LRP4: variants seen among roughly 807,000 people sequenced by gnomAD.
LRP4 encodes low-density lipoprotein receptor-related protein 4.
Under a neutral mutation model 220.3 loss-of-function variants are expected in LRP4, and 95 were observed. The ratio of observed to expected loss-of-function variants is 0.43; its 90% CI spans 0.37 to 0.51. The LOEUF is 0.51. LRP4 is among the 20% of genes least tolerant of loss of function. The pLI is 0.00. For missense variants in LRP4, 1,925 were observed against 2,567.0 expected, an observed-to-expected ratio of 0.75 and a Z score of 5.40; for synonymous variants, 903 against 954.6, an observed-to-expected ratio of 0.95 and a Z score of 1.00.
intron 6 of LRP4, 78 bp downstream of exon 6, chr11:46,898,826 G>A: frequency 6.2e-7 from 1 of 1,607,812 alleles, no homozygotes. Context: ...TCCTGCCCCA[G>A]CTGGCGACTG....
At chr11:46,911,149 G>A (rs1409423233) in intron 1 of LRP4, among the ~76,000 whole-genome samples, 4 of 152,092 alleles carry the variant, frequency 2.6e-5, no homozygotes, top group Non-Finnish European at 4.4e-5. Flanking sequence ...GAAATAATAC[G>A]TATGAGGTTC....
chr11:46,908,264 G>T (rs987868554), intron 1 of LRP4, among the ~76,000 whole-genome samples: 1 of 152,102 alleles, frequency 6.6e-6, no homozygotes, highest in Non-Finnish European at 1.5e-5. Context: ...GGTGCCCTCC[G>T]AGTACTTTTC....
chr11:46,874,048 T>C, intron 28 of LRP4: 6 of 174,410 alleles, frequency 3.4e-5, no homozygotes, highest in Non-Finnish European at 6.2e-5. Flanking sequence ...TCAAGCAATC[T>C]TCCCGCCTTG....
rs1398274341 is a variant in LRP4, at chr11:46,857,261, C to T, written c.*1722G>A. 1 of 152,290 alleles carries T rather than the reference C, an allele frequency of 6.6e-6. No homozygotes were observed. Among genetic ancestry groups the T allele is most frequent in the African/African-American group, 2.4e-5 (1 of 41,452 alleles). The allele number at this position is 152,290 out of a possible 1,614,324, so 9.4% of individuals were successfully genotyped here. A position where few individuals can be genotyped will look rare whatever the true frequency, so the allele number is the denominator to read the frequency against. On this transcript the variant is annotated 3_prime_UTR_variant, in exon 38 of 38. Coordinates refer to ENST00000378623, the MANE Select transcript of LRP4 (RefSeq NM_002334.4). ...AGGCTCAGAACTGGGGCTGACGCTA[C>T]TGAGAGCAAGGCTAAGGGCCTGGTA...
chr11:46,871,453 G>C lies in LRP4; in HGVS notation c.4692+72C>G, dbSNP rs951557122. 5.8e-6 allele frequency: 6 copies of C among 1,027,306 alleles called. No individual in the cohort carries two copies. In the African/African-American group the frequency reaches 9.3e-5, roughly 16 times the overall value. 63.6% of individuals were successfully genotyped at this position (1,027,306 alleles called of 1,614,324 possible). A position where few individuals can be genotyped will look rare whatever the true frequency, so the allele number is the denominator to read the frequency against. The stretch of plus-strand genomic sequence containing the variant: ...TCTGTTCAGTAGCAGCTATAGCTGA[G>C]ACTGCTGACTTAGAACCCCAAAGAA... On this transcript the variant is annotated intron_variant, in intron 31 of 37. Transcript: ENST00000378623.
chr11:46,878,563 C>T (rs951526900), intron 22 of LRP4, among the ~76,000 whole-genome samples: 5 of 152,036 alleles, frequency 3.3e-5, no homozygotes, highest in African/African-American at 4.8e-5. Flanking sequence ...CATGAGCCAC[C>T]GTGCCCAGCC....
In LRP4 at chr11:46,876,777, C is replaced by T. The variant is rs770071302; in HGVS notation, c.3331G>A (p.Asp1111Asn). 6 of 1,614,028 alleles carry T rather than the reference C, an allele frequency of 3.7e-6. No homozygotes were observed. Among genetic ancestry groups the T allele is most frequent in the Non-Finnish European group, 5.1e-6 (6 of 1,180,048 alleles). Reference sequence around the variant, plus strand: ...ATGATGTCCTCATGCTGTGAGCCATCCAGATTGGCACGACTGATCCTGTGC... The same window carrying T: ...ATGATGTCCTCATGCTGTGAGCCATTCAGATTGGCACGACTGATCCTGTGC... ...TLHRISRANL[D>N]GSQHEDIITT... is the part of the protein sequence containing the mutation. Residue 1111 changes from aspartate (D) to asparagine (N), a missense_variant, in exon 24 of 38, where the codon GAT becomes AAT. Physicochemically the swap from Asp to Asn is conservative, Grantham distance 23. Transcript: ENST00000378623.
intron 1 of LRP4, among the ~76,000 whole-genome samples, chr11:46,910,969 C>T (rs1267568499): frequency 6.6e-6 from 1 of 152,172 alleles, no homozygotes; most frequent in Admixed American, 6.5e-5. Flanking sequence ...AGCCACCACA[C>T]CCAGCAAATC....
chr11:46,913,210 C>T (rs528290502), intron 1 of LRP4, among the ~76,000 whole-genome samples: 2 of 152,294 alleles, frequency 1.3e-5, no homozygotes, highest in South Asian at 2.1e-4. Flanking sequence ...ATGAAGTCTG[C>T]TTGGATGGGC....
chr11:46,888,052 G>C (rs557229621), intron 16 of LRP4, among the ~76,000 whole-genome samples: 1 of 144,294 alleles, frequency 6.9e-6, no homozygotes, highest in African/African-American at 2.7e-5. Context: ...GGCCGGGGGC[G>C]GTGGCTTATG....
At position 46,875,394 on chromosome 11, in the gene LRP4, T is replaced by C; in HGVS notation, c.3925+62A>G. The C allele has an allele frequency of 1.4e-6, 2 of 1,389,284 alleles. No individual in the cohort carries two copies. Among genetic ancestry groups the C allele is most frequent in the South Asian group, 2.3e-5 (2 of 85,628 alleles). The allele number at this position is 1,389,284 out of a possible 1,614,324, so 86.1% of individuals were successfully genotyped here. The stretch of plus-strand genomic sequence containing the variant: ...CTCTGTGCTCTGGATATATCTCTGA[T>C]GTTGAGATGGCCCCAGAAAGCCAGA... On this transcript the variant is annotated intron_variant, in intron 27 of 37. Coordinates refer to ENST00000378623, the MANE Select transcript of LRP4 (RefSeq NM_002334.4). This position sits in a 1 kb window ranked among gnomAD's most constrained non-coding sequence, Gnocchi z 4.5.
chr11:46,889,816 G>T, intron 15 of LRP4, 128 bp downstream of exon 15: 1 of 1,081,290 alleles, frequency 9.2e-7, no homozygotes, highest in Non-Finnish European at 1.4e-6. Context: ...ATTAGCCCAT[G>T]TCAGTGCCCT....
intron 16 of LRP4, among the ~76,000 whole-genome samples, chr11:46,889,023 C>T (rs1014988122): frequency 6.6e-6 from 1 of 152,164 alleles, no homozygotes; most frequent in Non-Finnish European, 1.5e-5. Flanking sequence ...ATTTTGGCTT[C>T]CTGGTTTAAG....
intron 22 of LRP4, among the ~76,000 whole-genome samples, chr11:46,877,665 C>T (rs1431372393): frequency 6.6e-6 from 1 of 151,830 alleles, no homozygotes; most frequent in Admixed American, 6.6e-5. Context: ...GATGGGGTTT[C>T]GTCATATTGC....
At chr11:46,897,952 G>A (rs1197416845) in intron 7 of LRP4, among the ~76,000 whole-genome samples, 21 of 151,976 alleles carry the variant, frequency 1.4e-4, no homozygotes, top group African/African-American at 1.4e-4. Context: ...AGGGGCGGCC[G>A]GGCAGAGGCG....
intron 37 of LRP4, among the ~76,000 whole-genome samples, chr11:46,861,355 A>G (rs905098892): frequency 1.3e-5 from 2 of 152,074 alleles, no homozygotes; most frequent in African/African-American, 4.8e-5. Context: ...CAGGTGTGAG[A>G]GCAGGTTCTG....
chr11:46,900,209 T>C, intron 3 of LRP4, 53 bp downstream of exon 3: 1 of 1,369,822 alleles, frequency 7.3e-7, no homozygotes, highest in East Asian at 2.3e-5. Context: ...TGATTGAAAA[T>C]CCTTTCCCAG....
rs1489750576 is a variant in LRP4, at chr11:46,918,422, C to A, written c.-43G>T. 1 of 1,326,712 alleles carries A rather than the reference C, an allele frequency of 7.5e-7. No individual in the cohort carries two copies. 82.2% of individuals were successfully genotyped at this position (1,326,712 alleles called of 1,614,324 possible). A position where few individuals can be genotyped will look rare whatever the true frequency, so the allele number is the denominator to read the frequency against. On this transcript the variant is annotated 5_prime_UTR_variant, in exon 1 of 38. Transcript: ENST00000378623. The surrounding 1 kb of genome is among the most constrained non-coding windows in gnomAD (Gnocchi z 6.0). The stretch of plus-strand genomic sequence containing the variant: ...TCGCCCGGGGTCCCGCCGGCTCCCG[C>A]CGGACGGCGCGGCGGAGAAGCCCGC...
At position 46,875,937 on chromosome 11, in the gene LRP4, T is replaced by C; in HGVS notation, c.3566A>G (p.Asn1189Ser). ...CATTCCGGACCGCTCTAACTTGGCA[T>C]TCTCCCCCCAGTCTGTCCAGTACAT... ...GFMYWTDWGE[N>S]AKLERSGMDG... The change falls in exon 26 of 38, where the codon AAT becomes AGT. Residue 1189 changes from asparagine to serine, a missense_variant. This residue lies in a region of LRP4 where 1,244 missense variants were observed against 1,624.9 expected (regional missense o/e 0.77). Transcript: ENST00000378623. This position sits in a 1 kb window ranked among gnomAD's most constrained non-coding sequence, Gnocchi z 4.5. The C allele has an allele frequency of 6.2e-7, 1 of 1,614,122 alleles. No individual in the cohort carries two copies. Among genetic ancestry groups the C allele is most frequent in the East Asian group, 2.2e-5 (1 of 44,862 alleles).
Sources: allele counts gnomAD v4.1 joint callset (sites outside exome capture counted in the v4.1 genomes callset), GRCh38; gene constraint gnomAD v4.1.1; regional missense constraint gnomAD v4.1.1; non-coding constraint Gnocchi (gnomAD v3.1); transcripts MANE v1.5; gene names NCBI Gene and HGNC (gene_info 2026-07-23, HGNC 2026-07-21).